The following PALB2 variants were observed in gnomAD, a reference collection of about 807,000 sequenced individuals.
PALB2 encodes the protein mutant partner and localizer of BRCA2.
A neutral mutation model predicts 107.4 loss-of-function variants in PALB2; 82 were observed. The ratio of observed to expected loss-of-function variants is 0.76; its 90% CI spans 0.64 to 0.92. The LOEUF is 0.92. Ranked by LOEUF, PALB2 falls within the 40% of genes least tolerant of loss-of-function variation. PALB2 has a pLI of 0.00. For synonymous variants in PALB2, 489 were observed against 496.8 expected (o/e 0.98, Z 0.21); for missense variants, 1,374 against 1,379.9 (o/e 1.00, Z 0.07).
At chr16:23,605,501 C>T (rs2142262499) in intron 12 of PALB2, among the ~76,000 whole-genome samples, 1 of 152,318 alleles carries the variant, frequency 6.6e-6, no homozygotes, top group South Asian at 2.1e-4. Flanking sequence ...CTCTGCCTCC[C>T]AGTTTCAAGT....
intron 8 of PALB2, 143 bp from the exon 9 acceptor site, chr16:23,623,273 G>A: frequency 1.4e-6 from 1 of 729,396 alleles, no homozygotes; most frequent in Non-Finnish European, 2.2e-6. Context: ...GCACAATCTT[G>A]GCTCACTGCA....
chr16:23,640,601 T>C (rs1195763716), intron 1 of PALB2: 1 of 233,152 alleles, frequency 4.3e-6, no homozygotes, highest in Non-Finnish European at 8.5e-6. Flanking sequence ...GAAAGCAAGG[T>C]AGATAAACAT....
chr16:23,634,221 A>G (rs910718385), intron 4 of PALB2, among the ~76,000 whole-genome samples: 25 of 152,236 alleles, frequency 1.6e-4, no homozygotes, highest in African/African-American at 5.5e-4. Flanking sequence ...TGTGATTTTA[A>G]TTAAATTAAG....
chr16:23,621,123 T>C (rs1966763461), intron 10 of PALB2, among the ~76,000 whole-genome samples: 1 of 152,152 alleles, frequency 6.6e-6, no homozygotes, highest in Admixed American at 6.6e-5. Flanking sequence ...GGCAGGAGAA[T>C]CACTTGAATC....
chr16:23,629,741 CAG>C lies in PALB2; in HGVS notation c.2411_2412del (p.Ser804CysfsTer10), dbSNP rs747148023. The C allele has an allele frequency of 4.3e-6, 7 of 1,614,064 alleles. No homozygotes were observed. In the Admixed American group the frequency reaches 8.3e-5, roughly 19 times the overall value. On this transcript the variant is annotated frameshift_variant, in exon 5 of 13. Transcript: ENST00000261584. LOFTEE classifies it high-confidence loss of function. ...ATGGGTGGAGGTGTTCCTGGCGGGA[CAG>C]AGTCACAGTCACAGGTAGGTTGTCC... ...RQGQPTCDCD[S>X]VPPGTPPPIE... is the part of the protein sequence containing the mutation.
At position 23,635,353 on chromosome 16, in the gene PALB2, AC is replaced by A. The variant is rs1555461407; in HGVS notation, c.1192del (p.Val398CysfsTer26). 6.2e-7 allele frequency: 1 copy of A among 1,614,052 alleles called. No homozygotes were observed. Among genetic ancestry groups the A allele is most frequent in the Non-Finnish European group, 8.5e-7 (1 of 1,180,038 alleles). On this transcript the variant is annotated frameshift_variant, in exon 4 of 13. Transcript: ENST00000261584. LOFTEE classifies it high-confidence loss of function. ...PLSAEKHSCT[V>X]PEGLLFPAEY... ...TGCAGGAAACAGAAGGCCTTCAGGC[AC>A]TGTGCAAGAATGTTTTTCTGCAGAA...
At chr16:23,606,267 G>C (rs369428738) in intron 12 of PALB2, among the ~76,000 whole-genome samples, 1 of 151,870 alleles carries the variant, frequency 6.6e-6, no homozygotes, top group Non-Finnish European at 1.5e-5. Context: ...TTAGCCAAGC[G>C]TGGTGGCATG....
intron 11 of PALB2, among the ~76,000 whole-genome samples, chr16:23,613,258 C>T (rs1172348291): frequency 6.6e-6 from 1 of 152,094 alleles, no homozygotes; most frequent in African/African-American, 2.4e-5. Flanking sequence ...GAGCTTATTT[C>T]TAACTGTATG....
At chr16:23,610,654 T>C (rs927166646) in intron 11 of PALB2, among the ~76,000 whole-genome samples, 3 of 152,186 alleles carry the variant, frequency 2.0e-5, no homozygotes, top group Admixed American at 6.5e-5. Flanking sequence ...TTTTACTTAC[T>C]ATCTTACACA....
At chr16:23,605,562 T>C (rs1428421316) in intron 12 of PALB2, among the ~76,000 whole-genome samples, 2 of 152,110 alleles carry the variant, frequency 1.3e-5, no homozygotes, top group African/African-American at 4.8e-5. Flanking sequence ...GTGCACACCA[T>C]CGCACCCAGC....
chr16:23,638,464 T>C (rs1186816731), intron 1 of PALB2: 3 of 468,086 alleles, frequency 6.4e-6, no homozygotes, highest in Admixed American at 2.6e-5. Flanking sequence ...CTTACCACAG[T>C]ATTCTCACAC....
chr16:23,613,976 A>G lies in PALB2; in HGVS notation c.3201+28T>C, dbSNP rs770538839. 6 of 1,541,636 alleles carry G rather than the reference A, an allele frequency of 3.9e-6. No individual in the cohort carries two copies. In the Admixed American group the frequency reaches 8.4e-5, roughly 21 times the overall value. Reference sequence around the variant, plus strand: ...CTTAATGAGACCAACAGTAACACACAAAGTGGTCCCAGCCAGTCATTACTT... The same window carrying G: ...CTTAATGAGACCAACAGTAACACACGAAGTGGTCCCAGCCAGTCATTACTT... On this transcript the variant is annotated intron_variant, in intron 11 of 12. Coordinates refer to ENST00000261584, the MANE Select transcript of PALB2 (RefSeq NM_024675.4).
At chr16:23,632,872 T>A (rs573753353) in intron 4 of PALB2, among the ~76,000 whole-genome samples, 5 of 152,276 alleles carry the variant, frequency 3.3e-5, no homozygotes, top group Non-Finnish European at 7.4e-5. Context: ...GGTGGGTAGA[T>A]CACCTGAGGT....
intron 6 of PALB2, 125 bp from the exon 7 acceptor site, chr16:23,626,522 C>T: frequency 1.8e-6 from 2 of 1,141,266 alleles, no homozygotes; most frequent in Non-Finnish European, 2.6e-6. Flanking sequence ...AAGTCTTATG[C>T]AGGTGAAAAG....
In PALB2 at chr16:23,637,958, G is replaced by GGA. The variant is rs1293962285; in HGVS notation, c.109-8_109-7dup. 1.2e-6 allele frequency: 2 copies of GGA among 1,612,400 alleles called. No homozygotes were observed. The highest frequency in any genetic ancestry group is 1.7e-6 in the Non-Finnish European group (2 of 1,178,628). ...TTTTCAGCTCTTTGGGCACGCTAGA[G>GGA]GAGACAAAAACAGCCCCAGAAATAC... On this transcript the variant is annotated splice_polypyrimidine_tract_variant and splice_region_variant and intron_variant, in intron 2 of 12. Coordinates refer to ENST00000261584, the MANE Select transcript of PALB2 (RefSeq NM_024675.4).
chr16:23,619,846 CTT>C (rs1276774561), intron 10 of PALB2, among the ~76,000 whole-genome samples: 1 of 152,030 alleles, frequency 6.6e-6, no homozygotes, highest in Non-Finnish European at 1.5e-5. Context: ...GTGGCGCAAT[CTT>C]GACTCACTGC....
Position 23,621,451 on chromosome 16 carries a change from G to T in PALB2, c.3024C>A (p.Pro1008=). The change falls in exon 10 of 13, where the codon CCC becomes CCA. Residue 1008 remains proline (P), a synonymous_variant. Coordinates refer to ENST00000261584, the MANE Select transcript of PALB2 (RefSeq NM_024675.4). The part of the protein sequence containing the change: ...GGGKENQFLM[P]PEETILTFAE... Reference sequence around the variant, plus strand: ...CAAAAGTTAGTATAGTCTCCTCAGGGGGCATCAAAAATTGGTTTTCTTTGC... The same window carrying T: ...CAAAAGTTAGTATAGTCTCCTCAGGTGGCATCAAAAATTGGTTTTCTTTGC... 1 of 1,613,892 alleles carries T rather than the reference G, an allele frequency of 6.2e-7. No homozygotes were observed. Among genetic ancestry groups the T allele is most frequent in the Non-Finnish European group, 8.5e-7 (1 of 1,179,914 alleles).
chr16:23,634,626 CCT>C (rs1417627649), intron 4 of PALB2, among the ~76,000 whole-genome samples: 6 of 149,720 alleles, frequency 4.0e-5, no homozygotes, highest in African/African-American at 9.8e-5. Flanking sequence ...ACAGTGAGCC[CCT>C]GTCTCTTTAT....
intron 12 of PALB2, among the ~76,000 whole-genome samples, chr16:23,605,387 T>C (rs1966451678): frequency 1.3e-5 from 2 of 151,708 alleles, no homozygotes; most frequent in South Asian, 2.1e-4. Flanking sequence ...CTAATTTCCA[T>C]AAAATTAGAA....
Sources: allele counts gnomAD v4.1 joint callset (sites outside exome capture counted in the v4.1 genomes callset), GRCh38; gene constraint gnomAD v4.1.1; transcripts MANE v1.5; gene names NCBI Gene and HGNC (gene_info 2026-07-23, HGNC 2026-07-21).